The following PTPRD variants were observed in gnomAD, a reference collection of about 807,000 sequenced individuals.
PTPRD encodes the protein receptor-type tyrosine-protein phosphatase delta.
PTPRD carries 34 observed loss-of-function variants against 214.5 expected under a neutral mutation model. That is an observed-to-expected ratio of 0.16 (90% CI 0.12 to 0.21). PTPRD has a LOEUF of 0.21. PTPRD is among the 10% of genes least tolerant of loss of function. The pLI, the probability that PTPRD is intolerant of heterozygous loss-of-function variation, is 1.00. For missense variants in PTPRD, 2,545 were observed against 2,398.7 expected, an observed-to-expected ratio of 1.06 and a Z score of -1.27; for synonymous variants, 1,128 against 845.7, an observed-to-expected ratio of 1.33 and a Z score of -5.79.
At chr9:8,702,350 CT>C (rs1206057197) in intron 12 of PTPRD, among the ~76,000 whole-genome samples, 11 of 151,460 alleles carry the variant, frequency 7.3e-5, no homozygotes, top group Admixed American at 5.9e-4. Flanking sequence ...CTTCTGTGGT[CT>C]TTTTTTTATA....
At chr9:8,337,004 T>C (rs13286609) in intron 43 of PTPRD, among the ~76,000 whole-genome samples, 1 of 152,190 alleles carries the variant, frequency 6.6e-6, no homozygotes, top group African/African-American at 2.4e-5. Flanking sequence ...TTGGTGGGTG[T>C]GTAAATTAGT....
intron 7 of PTPRD, among the ~76,000 whole-genome samples, chr9:9,709,826 C>T (rs2097692544): frequency 6.6e-6 from 1 of 151,934 alleles, no homozygotes; most frequent in Non-Finnish European, 1.5e-5. Context: ...AGAGATATTC[C>T]ATTACAGATT....
intron 5 of PTPRD, among the ~76,000 whole-genome samples, chr9:9,903,658 T>A (rs574053533): frequency 6.6e-6 from 1 of 152,102 alleles, no homozygotes; most frequent in South Asian, 2.1e-4. Flanking sequence ...CAAATCAATA[T>A]GATTGATCTC....
At chr9:9,185,849 T>C (rs1360919492) in intron 9 of PTPRD, among the ~76,000 whole-genome samples, 1 of 149,344 alleles carries the variant, frequency 6.7e-6, no homozygotes, top group Non-Finnish European at 1.5e-5. Flanking sequence ...CAGGTTTTCA[T>C]AGACATTTTA....
At chr9:10,427,131 T>C (rs1472164885) in intron 2 of PTPRD, among the ~76,000 whole-genome samples, 3 of 150,128 alleles carry the variant, frequency 2.0e-5, no homozygotes, top group Middle Eastern at 3.4e-3. Context: ...GTAGATTCAG[T>C]AGATAAATCT....
intron 12 of PTPRD, among the ~76,000 whole-genome samples, chr9:8,706,789 G>A (rs1259632535): frequency 6.6e-6 from 1 of 152,140 alleles, no homozygotes; most frequent in Non-Finnish European, 1.5e-5. Context: ...GCATAGCTTG[G>A]CGTCCAGTGT....
intron 2 of PTPRD, among the ~76,000 whole-genome samples, chr9:10,402,756 A>C (rs1197176387): frequency 6.6e-6 from 1 of 151,632 alleles, no homozygotes; most frequent in Non-Finnish European, 1.5e-5. Context: ...TGTTAAACTC[A>C]TCTCATTTTA....
At chr9:10,001,112 C>T (rs56292576) in intron 4 of PTPRD, among the ~76,000 whole-genome samples, 3,723 of 152,168 alleles carry the variant, frequency 0.024, 162 homozygotes, top group African/African-American at 0.084. Context: ...TTCTCCACTC[C>T]TTAAAACCAC....
chr9:10,462,709 A>G (rs533487423), intron 2 of PTPRD, among the ~76,000 whole-genome samples: 3 of 150,544 alleles, frequency 2.0e-5, no homozygotes, highest in Non-Finnish European at 2.9e-5. Flanking sequence ...TAAGATATCT[A>G]AAGGAAAAAA....
intron 11 of PTPRD, among the ~76,000 whole-genome samples, chr9:8,858,647 G>A (rs576221776): frequency 1.3e-5 from 2 of 151,302 alleles, no homozygotes; most frequent in Admixed American, 1.3e-4. Context: ...TTGCCTGCGC[G>A]TGAGTGTGAG....
chr9:9,289,837 A>G (rs771030565), intron 9 of PTPRD, among the ~76,000 whole-genome samples: 31 of 151,804 alleles, frequency 2.0e-4, no homozygotes, highest in Admixed American at 1.1e-3. Flanking sequence ...TACATAAACC[A>G]TATTTTCTTT....
At chr9:8,771,804 A>T (rs2095233076) in intron 11 of PTPRD, among the ~76,000 whole-genome samples, 1 of 151,548 alleles carries the variant, frequency 6.6e-6, no homozygotes, top group Admixed American at 6.6e-5. Context: ...CACAGCTGTG[A>T]CCTGTGCATG....
intron 8 of PTPRD, among the ~76,000 whole-genome samples, chr9:9,448,039 T>G (rs1021279377): frequency 6.6e-6 from 1 of 152,002 alleles, no homozygotes; most frequent in Non-Finnish European, 1.5e-5. Context: ...CGAACTGACT[T>G]GTGTTTGAAG....
chr9:8,478,484 T>C (rs1409253893), intron 30 of PTPRD, among the ~76,000 whole-genome samples: 1 of 151,904 alleles, frequency 6.6e-6, no homozygotes, highest in East Asian at 1.9e-4. Context: ...TTAATTTACA[T>C]TGAGTACCTT....
chr9:10,561,209 C>G (rs1187823210), intron 2 of PTPRD, among the ~76,000 whole-genome samples: 2 of 152,046 alleles, frequency 1.3e-5, no homozygotes, highest in African/African-American at 4.8e-5. Flanking sequence ...AACTTTAGAG[C>G]AGGTTATTGA....
In PTPRD at chr9:8,524,975, G is replaced by C. The variant is rs767146958; in HGVS notation, c.629C>G (p.Thr210Ser). 3 of 1,613,634 alleles carry C rather than the reference G, an allele frequency of 1.9e-6. No individual in the cohort carries two copies. Among genetic ancestry groups the C allele is most frequent in the Non-Finnish European group, 2.5e-6 (3 of 1,179,710 alleles). ...GGAATAGCGAGTGCCCGCGCTGTTG[G>C]TGGCAACACACTCATATTTTCCTTG... ...SDQGKYECVA[T>S]NSAGTRYSAP... Residue 210 changes from threonine (T) to serine (S), a missense_variant, in exon 18 of 46, where the codon ACC becomes AGC. Transcript: ENST00000381196.
At chr9:8,646,663 C>A (rs546952789) in intron 12 of PTPRD, among the ~76,000 whole-genome samples, 3 of 152,318 alleles carry the variant, frequency 2.0e-5, no homozygotes, top group South Asian at 2.1e-4. Context: ...CCTTTCGACT[C>A]CCCTATCACG....
chr9:10,477,347 G>A (rs995816525), intron 2 of PTPRD, among the ~76,000 whole-genome samples: 5 of 151,570 alleles, frequency 3.3e-5, no homozygotes, highest in Admixed American at 2.6e-4. Context: ...CTTCCCAAAG[G>A]GGCATTTATT....
intron 11 of PTPRD, among the ~76,000 whole-genome samples, chr9:8,758,938 G>C (rs1007869767): frequency 6.6e-6 from 1 of 151,878 alleles, no homozygotes; most frequent in Non-Finnish European, 1.5e-5. Flanking sequence ...ACCTGCCTCA[G>C]CCTCCCAAAG....
Sources: gnomAD v4.1 joint callset for allele counts (sites outside exome capture counted in the v4.1 genomes callset) on GRCh38, gnomAD v4.1.1 for gene constraint, MANE v1.5 for transcripts, NCBI Gene and HGNC (gene_info 2026-07-23, HGNC 2026-07-21) for gene names.